SYNJ2: variants seen among roughly 807,000 people sequenced by gnomAD.
The protein encoded by SYNJ2 is synaptojanin 2, also known as polyphosphatidylinositol phosphatase SYNJ2.
Under a neutral mutation model 141.3 loss-of-function variants are expected in SYNJ2, and 116 were observed. The observed-to-expected ratio is 0.82, with a 90% CI of 0.71 to 0.96. The LOEUF is 0.96. SYNJ2 is among the 40% of genes least tolerant of loss of function. The pLI, the probability that SYNJ2 is intolerant of heterozygous loss-of-function variation, is 0.00. For synonymous variants in SYNJ2, 745 were observed against 777.7 expected, an observed-to-expected ratio of 0.96 and a Z score of 0.70; for missense variants, 1,873 against 1,934.8, an observed-to-expected ratio of 0.97 and a Z score of 0.60.
intron 11 of SYNJ2, among the ~76,000 whole-genome samples, chr6:158,066,105 C>T (rs571630293): frequency 4.4e-4 from 67 of 152,266 alleles, no homozygotes; most frequent in Non-Finnish European, 7.6e-4. Context: ...ATGCCTTGTT[C>T]TTCTACGGAG....
At chr6:158,010,837 C>T (rs567047754) in intron 1 of SYNJ2, among the ~76,000 whole-genome samples, 105 of 149,342 alleles carry the variant, frequency 7.0e-4, no homozygotes, top group African/African-American at 2.5e-3. Context: ...GAGAGGATGG[C>T]CACGTGACAA....
intron 12 of SYNJ2, 146 bp downstream of exon 12, chr6:158,066,781 C>T: frequency 1.1e-6 from 1 of 945,602 alleles, no homozygotes; most frequent in Non-Finnish European, 1.6e-6. Flanking sequence ...CATGGCCTGA[C>T]TCTCAAGAAT....
At chr6:158,017,859 AC>A in intron 2 of SYNJ2, 1 of 487,104 alleles carries the variant, frequency 2.1e-6, no homozygotes, top group Non-Finnish European at 4.2e-6. Context: ...CGGCACCCCC[AC>A]CCTGTGCCAG....
intron 1 of SYNJ2, among the ~76,000 whole-genome samples, chr6:158,003,837 GC>G (rs1349374465): frequency 2.0e-5 from 3 of 152,096 alleles, no homozygotes; most frequent in Non-Finnish European, 2.9e-5. Flanking sequence ...GAATCCATGA[GC>G]CACATTTGCT....
At chr6:158,090,703 A>T (rs1369044761) in intron 25 of SYNJ2, among the ~76,000 whole-genome samples, 3 of 151,500 alleles carry the variant, frequency 2.0e-5, no homozygotes, top group Admixed American at 2.0e-4. Context: ...CAGCCCCATG[A>T]TGAGCCAATT....
chr6:158,057,931 G>A (rs985879148), intron 6 of SYNJ2, among the ~76,000 whole-genome samples: 12 of 152,246 alleles, frequency 7.9e-5, no homozygotes, highest in African/African-American at 2.9e-4. Flanking sequence ...GCCCGGGAGG[G>A]TGCTCACCCT....
At chr6:158,010,254 ATCTGTGTTGTCAC>A in intron 1 of SYNJ2, among the ~76,000 whole-genome samples, 1 of 152,164 alleles carries the variant, frequency 6.6e-6, no homozygotes, top group South Asian at 2.1e-4. Context: ...GTGTGTAGAC[ATCTGTGTTGTCAC>A]CCCCATTTTG....
At chr6:158,038,565 C>G (rs575886032) in intron 4 of SYNJ2, among the ~76,000 whole-genome samples, 1 of 152,350 alleles carries the variant, frequency 6.6e-6, no homozygotes, top group East Asian at 1.9e-4. Flanking sequence ...TCGGAGACCC[C>G]GGACAGCCTG....
rs1286360306 is a variant in SYNJ2 at position 158,027,686 on chromosome 6, G to C, written c.215-1070G>C. 6.6e-6 allele frequency: 1 copy of C among 152,394 alleles called. No individual in the cohort carries two copies. Among genetic ancestry groups the C allele is most frequent in the Non-Finnish European group, 1.5e-5 (1 of 68,182 alleles). The allele number at this position is 152,394 out of a possible 1,614,324, so 9.4% of individuals were successfully genotyped here. A position where few individuals can be genotyped will look rare whatever the true frequency, so the allele number is the denominator to read the frequency against. ...CCCCAAGGAAGCCCCTCCCCTGGGG[G>C]CACAGGTGGGGAGGGAGGTCATGAG... is the stretch of plus-strand genomic sequence containing the variant. On this transcript the variant is annotated intron_variant, in intron 2 of 26. Transcript: ENST00000355585. This position sits in a 1 kb window ranked among gnomAD's most constrained non-coding sequence, Gnocchi z 4.6.
intron 24 of SYNJ2, among the ~76,000 whole-genome samples, chr6:158,089,100 T>G (rs1783266995): frequency 6.6e-6 from 1 of 152,136 alleles, no homozygotes; most frequent in African/African-American, 2.4e-5. Context: ...TGGGAGAAAT[T>G]CAGGTCGTTA....
chr6:158,003,273 G>T (rs1013316235), intron 1 of SYNJ2, among the ~76,000 whole-genome samples: 2 of 152,176 alleles, frequency 1.3e-5, no homozygotes, highest in African/African-American at 4.8e-5. Flanking sequence ...CCTTTAGCGG[G>T]CTGATGTGTG....
intron 22 of SYNJ2, among the ~76,000 whole-genome samples, chr6:158,085,506 G>T (rs749331407): frequency 2.0e-5 from 3 of 152,174 alleles, no homozygotes; most frequent in Admixed American, 1.3e-4. Flanking sequence ...GCTTAGCCAC[G>T]CATTGGGCCC....
chr6:158,006,051 A>G (rs774303570), intron 1 of SYNJ2, among the ~76,000 whole-genome samples: 1 of 152,062 alleles, frequency 6.6e-6, no homozygotes, highest in Non-Finnish European at 1.5e-5. Flanking sequence ...CCTCTCTCTC[A>G]GCTGCATCAA....
Position 158,064,892 on chromosome 6 carries a change from G to A in SYNJ2, c.1426G>A (p.Val476Met), listed in dbSNP as rs777775591. 1.6e-5 allele frequency: 26 copies of A among 1,613,698 alleles called. No individual in the cohort carries two copies. The highest frequency in any genetic ancestry group is 1.8e-5 in the Non-Finnish European group (21 of 1,179,898). ...CATCCAGTCCAACTTCTTCGACGGG[G>A]TGAAGCAGGAGGCCATCAAGCTGCT... is the stretch of plus-strand genomic sequence containing the variant. The part of the protein sequence containing the change: ...RTIQSNFFDG[V>M]KQEAIKLLLV... The change falls in exon 11 of 27, where the codon GTG becomes ATG. Residue 476 changes from valine to methionine, a missense_variant. Coordinates refer to ENST00000355585, the MANE Select transcript of SYNJ2 (RefSeq NM_003898.4).
At position 158,040,738 on chromosome 6, in the gene SYNJ2, C is replaced by T. The variant is rs539678208; in HGVS notation, c.712-2578C>T. Among the ~76,000 whole-genome samples the T allele has an allele frequency of 6.6e-6, 1 of 152,280 alleles. No homozygotes were observed. The highest frequency in any genetic ancestry group is 1.5e-5 in the Non-Finnish European group (1 of 68,020). ...TGTACCCCTGTGAGTTTTCCTGCCTCGTCGCTCTCTTTTTATGGCCATTAG... is the reference window on the plus strand; with the variant it reads ...TGTACCCCTGTGAGTTTTCCTGCCTTGTCGCTCTCTTTTTATGGCCATTAG... On this transcript the variant is annotated intron_variant, in intron 4 of 26. Transcript: ENST00000355585. The surrounding 1 kb of genome is among the most constrained non-coding windows in gnomAD (Gnocchi z 4.2).
chr6:158,008,613 G>A (rs1370933519), intron 1 of SYNJ2, among the ~76,000 whole-genome samples: 1 of 152,234 alleles, frequency 6.6e-6, no homozygotes, highest in African/African-American at 2.4e-5. Context: ...TGGTGGGTAC[G>A]TGGTAATGAA....
At chr6:158,002,974 T>C (rs948291610) in intron 1 of SYNJ2, among the ~76,000 whole-genome samples, 1 of 152,180 alleles carries the variant, frequency 6.6e-6, no homozygotes, top group African/African-American at 2.4e-5. Flanking sequence ...AGCCCTCTTG[T>C]TAGGGGAGCT....
chr6:158,027,194 G>A lies in SYNJ2; in HGVS notation c.215-1562G>A, dbSNP rs1779093353. 1.0e-6 allele frequency: 1 copy of A among 985,124 alleles called. No homozygotes were observed. Among genetic ancestry groups the A allele is most frequent in the South Asian group, 4.7e-5 (1 of 21,288 alleles). 61.0% of individuals were successfully genotyped at this position (985,124 alleles called of 1,614,324 possible). A position where few individuals can be genotyped will look rare whatever the true frequency, so the allele number is the denominator to read the frequency against. Reference sequence around the variant, plus strand: ...AGGAAATTGGGGTGAGAGGGTGGTGGAACTGGTTGTTTTGGGGGTCTCTTC... The same window carrying A: ...AGGAAATTGGGGTGAGAGGGTGGTGAAACTGGTTGTTTTGGGGGTCTCTTC... On this transcript the variant is annotated intron_variant, in intron 2 of 26. Transcript: ENST00000355585. This position sits in a 1 kb window ranked among gnomAD's most constrained non-coding sequence, Gnocchi z 4.6.
intron 10 of SYNJ2, 35 bp from the exon 11 acceptor site, chr6:158,064,791 C>T (rs1781456136): frequency 6.2e-7 from 1 of 1,610,596 alleles, no homozygotes; most frequent in Non-Finnish European, 8.5e-7. Context: ...GCCCCAGGGA[C>T]CCCCCTCACG....
Sources: gnomAD v4.1 joint callset for allele counts (sites outside exome capture counted in the v4.1 genomes callset) on GRCh38, gnomAD v4.1.1 for gene constraint, Gnocchi (gnomAD v3.1) non-coding constraint, MANE v1.5 for transcripts, NCBI Gene and HGNC (gene_info 2026-07-23, HGNC 2026-07-21) for gene names.